The following DDX4 variants were observed in gnomAD, a reference collection of about 807,000 sequenced individuals.
DDX4 encodes DEAD-box helicase 4.
Under a neutral mutation model 100.0 loss-of-function variants are expected in DDX4, and 25 were observed. The ratio of observed to expected loss-of-function variants is 0.25; its 90% CI spans 0.18 to 0.35. The LOEUF (loss-of-function observed/expected upper bound fraction) is 0.35, where lower values mean the gene tolerates loss of function less well. Among genes scored for constraint, DDX4 ranks in the 10% least tolerant of loss-of-function variants. DDX4 has a pLI of 1.00. For synonymous variants in DDX4, 259 were observed against 275.7 expected, an observed-to-expected ratio of 0.94 and a Z score of 0.60; for missense variants, 635 against 882.4, an observed-to-expected ratio of 0.72 and a Z score of 3.55.
chr5:55,781,996 TG>T lies in DDX4; in HGVS notation c.625+16del. 3 of 1,613,814 alleles carry T rather than the reference TG, an allele frequency of 1.9e-6. No individual in the cohort carries two copies. The highest frequency in any genetic ancestry group is 2.5e-6 in the Non-Finnish European group (3 of 1,179,880). On this transcript the variant is annotated intron_variant, in intron 10 of 21. Transcript: ENST00000505374. ...AAGTGAACGAGGTAAGTTCTTATTT[TG>T]TTTACCCGAAAGAAGTTAAAATCAT...
At chr5:55,759,060 A>T (rs1285494024) in intron 3 of DDX4, among the ~76,000 whole-genome samples, 4 of 148,526 alleles carry the variant, frequency 2.7e-5, no homozygotes, top group Admixed American at 2.0e-4. Flanking sequence ...AGCTACTTAA[A>T]TTTTTTTTTT....
At chr5:55,784,210 G>A (rs1178660704) in intron 10 of DDX4, among the ~76,000 whole-genome samples, 6 of 152,130 alleles carry the variant, frequency 3.9e-5, no homozygotes, top group Non-Finnish European at 4.4e-5. Flanking sequence ...GTCAGGGGGC[G>A]GGGGATTGCT....
At chr5:55,796,624 G>T (rs1299592869) in intron 17 of DDX4, among the ~76,000 whole-genome samples, 1 of 151,962 alleles carries the variant, frequency 6.6e-6, no homozygotes. Flanking sequence ...ACCTGGAGTC[G>T]TGTGTTTCTA....
chr5:55,772,577 G>T (rs921939027), intron 7 of DDX4, among the ~76,000 whole-genome samples: 1 of 152,170 alleles, frequency 6.6e-6, no homozygotes, highest in African/African-American at 2.4e-5. Flanking sequence ...TTGATTCCCA[G>T]AGTTGGAGGT....
chr5:55,798,991 G>A (rs572458689), intron 18 of DDX4, among the ~76,000 whole-genome samples: 1 of 152,226 alleles, frequency 6.6e-6, no homozygotes, highest in African/African-American at 2.4e-5. Context: ...TTAGCTAAAA[G>A]GGGCTTAAGA....
rs116207808 is a variant in DDX4 at position 55,792,848 on chromosome 5, T to C, written c.1469+41T>C. The C allele has an allele frequency of 7.7e-4, 854 of 1,108,146 alleles. 8 individuals carry two copies. The African/African-American group carries it at 0.013, about 17-fold the overall frequency. 68.6% of individuals were successfully genotyped at this position (1,108,146 alleles called of 1,614,324 possible). A position where few individuals can be genotyped will look rare whatever the true frequency, so the allele number is the denominator to read the frequency against. On this transcript the variant is annotated intron_variant, in intron 17 of 21. Coordinates refer to ENST00000505374, the MANE Select transcript of DDX4 (RefSeq NM_024415.3). The stretch of plus-strand genomic sequence containing the variant: ...TAAAAATAATTTAATTATATATATA[T>C]ACATACTTTTATCAAAGTGGAAGCA...
Position 55,760,227 on chromosome 5 carries a change from A to G in DDX4, c.155A>G (p.Asp52Gly), listed in dbSNP as rs1319324417. The G allele has an allele frequency of 6.4e-7, 1 of 1,565,628 alleles. No homozygotes were observed. The highest frequency in any genetic ancestry group is 8.6e-7 in the Non-Finnish European group (1 of 1,162,578). The part of the protein sequence containing the change: ...SEMDDGPSRR[D>G]HFMKSGFASG... ...ATGGATGATGGACCTTCTCGAAGAG[A>G]TCATTTCATGAAAAGTGGATTTGCC... The change falls in exon 4 of 22, where the codon GAT (aspartate) becomes GGT (glycine). Residue 52 changes from aspartate to glycine, a missense_variant. Physicochemically the swap from Asp to Gly is moderately conservative, Grantham distance 94. This residue lies in a region of DDX4 where 446 missense variants were observed against 540.8 expected (regional missense o/e 0.82). Coordinates refer to ENST00000505374, the MANE Select transcript of DDX4 (RefSeq NM_024415.3).
chr5:55,791,203 G>T (rs752023937), intron 16 of DDX4, among the ~76,000 whole-genome samples: 11 of 152,138 alleles, frequency 7.2e-5, no homozygotes, highest in Non-Finnish European at 1.0e-4. Context: ...TTAGGGCCAT[G>T]TACTTATTTA....
At chr5:55,814,693 T>C (rs1744293799) in intron 19 of DDX4, among the ~76,000 whole-genome samples, 1 of 152,164 alleles carries the variant, frequency 6.6e-6, no homozygotes, top group South Asian at 2.1e-4. Context: ...TGTTTCATCA[T>C]GTTGGCCAGA....
chr5:55,816,433 T>TG (rs767031703), intron 21 of DDX4, 30 bp from the exon 22 acceptor site: 382 of 1,546,160 alleles, frequency 2.5e-4, no homozygotes, highest in Middle Eastern at 1.9e-3. Context: ...TTTGTTTGTT[T>TG]CTTTTTTTTT....
chr5:55,767,963 A>G (rs1367417942), intron 7 of DDX4, 23 bp downstream of exon 7: 1 of 1,606,358 alleles, frequency 6.2e-7, no homozygotes, highest in African/African-American at 1.3e-5. Flanking sequence ...TTTTGGAACA[A>G]TTTGTACTTA....
intron 17 of DDX4, among the ~76,000 whole-genome samples, chr5:55,796,841 T>TTTTTTTTTTTTTTTTTTTTTG (rs1742989997): frequency 8.3e-6 from 1 of 120,222 alleles, no homozygotes; most frequent in Non-Finnish European, 1.7e-5. Context: ...TTTTTTTTTT[T>TTTTTTTTTTTTTTTTTTTTTG]TTTTTTTTTT....
At chr5:55,784,951 A>G (rs1742152924) in intron 10 of DDX4, among the ~76,000 whole-genome samples, 1 of 152,216 alleles carries the variant, frequency 6.6e-6, no homozygotes, top group Non-Finnish European at 1.5e-5. Context: ...GTATGACTAT[A>G]TTCTGAGTCT....
intron 9 of DDX4, among the ~76,000 whole-genome samples, chr5:55,781,386 A>G (rs4865990): frequency 0.11 from 16,689 of 152,252 alleles, 1,379 homozygotes; most frequent in East Asian, 0.29. Flanking sequence ...AACTAGAGGA[A>G]TAAAGGATTC....
At chr5:55,748,433 G>A (rs1169696557) in intron 3 of DDX4, among the ~76,000 whole-genome samples, 1 of 151,970 alleles carries the variant, frequency 6.6e-6, no homozygotes, top group African/African-American at 2.4e-5. Flanking sequence ...GTATATTAAC[G>A]CATAACACTG....
chr5:55,816,701 G>C lies in DDX4; in HGVS notation c.*161G>C, dbSNP rs1236920227. ...AAAAATCCTTACTGACTAGTTATGT[G>C]AGATGCTAAAACTTACAACATTGCA... On this transcript the variant is annotated 3_prime_UTR_variant, in exon 22 of 22. Transcript: ENST00000505374. 2.2e-5 allele frequency: 28 copies of C among 1,260,516 alleles called. No individual in the cohort carries two copies. Among genetic ancestry groups the C allele is most frequent in the Non-Finnish European group, 2.9e-5 (27 of 946,770 alleles). 78.1% of individuals were successfully genotyped at this position (1,260,516 alleles called of 1,614,324 possible).
chr5:55,806,977 A>G (rs1339378519), intron 18 of DDX4, among the ~76,000 whole-genome samples: 8 of 152,148 alleles, frequency 5.3e-5, no homozygotes, highest in Non-Finnish European at 8.8e-5. Context: ...GTAGGTCTCT[A>G]AGGACTTGCT....
intron 8 of DDX4, among the ~76,000 whole-genome samples, chr5:55,780,360 A>T (rs145906671): frequency 6.6e-6 from 1 of 152,188 alleles, no homozygotes; most frequent in African/African-American, 2.4e-5. Flanking sequence ...CCTTATAAAC[A>T]GGTGACCTTC....
At position 55,793,242 on chromosome 5, in the gene DDX4, C is replaced by T. The variant is rs185513770; in HGVS notation, c.1469+435C>T. Among the ~76,000 whole-genome samples the T allele has an allele frequency of 4.4e-4, 67 of 152,070 alleles. 1 individual carries two copies. In the East Asian group the frequency reaches 8.7e-3, roughly 20 times the overall value. On this transcript the variant is annotated intron_variant, in intron 17 of 21. Coordinates refer to ENST00000505374, the MANE Select transcript of DDX4 (RefSeq NM_024415.3). The stretch of plus-strand genomic sequence containing the variant: ...AGATATTTGAGGATCATGTTATATA[C>T]CATGGGGTCTAATGAATTCAGAGAT...
Sources: allele counts gnomAD v4.1 joint callset (sites outside exome capture counted in the v4.1 genomes callset), GRCh38; gene constraint gnomAD v4.1.1; regional missense constraint gnomAD v4.1.1; transcripts MANE v1.5; gene names NCBI Gene and HGNC (gene_info 2026-07-23, HGNC 2026-07-21).